The following KCNMA1 variants were observed in gnomAD, a reference collection of about 807,000 sequenced individuals.
KCNMA1 encodes Calcium-activated potassium channel subunit alpha-1.
A neutral mutation model predicts 140.0 loss-of-function variants in KCNMA1; 29 were observed. That is an observed-to-expected ratio of 0.21 (90% CI 0.15 to 0.28). KCNMA1 has a LOEUF of 0.28. KCNMA1 is among the 10% of genes least tolerant of loss of function. The pLI is 1.00. For missense variants in KCNMA1, 880 were observed against 1,602.2 expected (o/e 0.55, Z 7.70); for synonymous variants, 612 against 611.9 (o/e 1.00, Z 0.00).
At chr10:77,505,273 A>G (rs936855571) in intron 1 of KCNMA1, among the ~76,000 whole-genome samples, 8 of 152,256 alleles carry the variant, frequency 5.3e-5, no homozygotes, top group African/African-American at 1.9e-4. Flanking sequence ...GTGAAAATAA[A>G]GACTGACTAC....
chr10:77,350,881 T>C (rs2092793024), intron 2 of KCNMA1: 2 of 152,196 alleles, frequency 1.3e-5, no homozygotes, highest in Non-Finnish European at 2.9e-5. Context: ...CACCGGTGAC[T>C]CAGTGGTTGA....
At chr10:77,099,353 C>T (rs765801724) in intron 9 of KCNMA1, among the ~76,000 whole-genome samples, 177 of 152,150 alleles carry the variant, frequency 1.2e-3, no homozygotes, top group Non-Finnish European at 1.9e-3. Flanking sequence ...CAGCCACACC[C>T]AACGGTGTTG....
intron 1 of KCNMA1, among the ~76,000 whole-genome samples, chr10:77,633,015 T>C (rs1318328829): frequency 1.3e-5 from 2 of 152,184 alleles, no homozygotes; most frequent in African/African-American, 4.8e-5. Context: ...AAAGTGTGCA[T>C]TTCCATAAAG....
chr10:76,949,163 G>A lies in KCNMA1; in HGVS notation c.2688C>T (p.Phe896=), dbSNP rs1031042677. The A allele has an allele frequency of 5.6e-6, 9 of 1,613,718 alleles. No homozygotes were observed. In the African/African-American group the frequency reaches 1.1e-4, roughly 19 times the overall value. The change falls in exon 22 of 28, where the codon TTC becomes TTT. Residue 896 remains phenylalanine, a synonymous_variant. Transcript: ENST00000286628. ...LKREWETLHN[F]PKVSILPGTP... ...TTACAGGCAATATGGACACTTTGGG[G>A]AAGTTATGAAGCGTCTCCCATTCCC...
rs1314545052 is a variant in KCNMA1, at chr10:77,469,658, C to G, written c.379-65635G>C. On this transcript the variant is annotated intron_variant, in intron 1 of 27. Coordinates refer to ENST00000286628, the MANE Select transcript of KCNMA1 (RefSeq NM_001161352.2). The stretch of plus-strand genomic sequence containing the variant: ...CCAGAAGTGTGGCCAAACTGAATAC[C>G]CCAGCTCTCTGCTGCCTCAGCAAGG... Among the ~76,000 whole-genome samples, 3 of 152,146 alleles carry G rather than the reference C, an allele frequency of 2.0e-5. No individual in the cohort carries two copies. In the East Asian group the frequency reaches 5.8e-4, roughly 29 times the overall value.
intron 19 of KCNMA1, among the ~76,000 whole-genome samples, chr10:76,983,089 GAAACCCGTCAGGGT>G (rs893207260): frequency 1.3e-5 from 2 of 152,210 alleles, no homozygotes; most frequent in Non-Finnish European, 2.9e-5. Flanking sequence ...GAACTGGAAG[GAAACCCGTCAGGGT>G]TTGACTTTTA....
intron 1 of KCNMA1, among the ~76,000 whole-genome samples, chr10:77,624,087 A>G (rs2154570106): frequency 6.6e-6 from 1 of 152,322 alleles, no homozygotes. Context: ...AGCTGCAGTT[A>G]TCTTATCCCT....
chr10:77,582,846 C>T (rs1202469098), intron 1 of KCNMA1, among the ~76,000 whole-genome samples: 1 of 152,242 alleles, frequency 6.6e-6, no homozygotes, highest in African/African-American at 2.4e-5. Context: ...AGTAGACATG[C>T]AACTGCTTAG....
chr10:77,551,127 C>A (rs544269127), intron 1 of KCNMA1, among the ~76,000 whole-genome samples: 1 of 152,322 alleles, frequency 6.6e-6, no homozygotes, highest in African/African-American at 2.4e-5. Context: ...CCACCACACC[C>A]AGCTACCACT....
intron 2 of KCNMA1, among the ~76,000 whole-genome samples, chr10:77,328,530 A>G (rs2085080311): frequency 6.6e-6 from 1 of 152,248 alleles, no homozygotes; most frequent in African/African-American, 2.4e-5. Flanking sequence ...ACCTGAGCCA[A>G]GAACACAGGC....
intron 1 of KCNMA1, among the ~76,000 whole-genome samples, chr10:77,476,074 C>G (rs1353230454): frequency 1.3e-5 from 2 of 152,176 alleles, no homozygotes; most frequent in Admixed American, 1.3e-4. Context: ...ATACTTCCTC[C>G]AGGCCGCACG....
chr10:77,380,785 C>T (rs931088582), intron 2 of KCNMA1, among the ~76,000 whole-genome samples: 1 of 152,178 alleles, frequency 6.6e-6, no homozygotes, highest in African/African-American at 2.4e-5. Context: ...CCTAGTAGAA[C>T]CCTCATGAAA....
In KCNMA1 at chr10:77,184,765, C is replaced by T. The variant is rs12259554; in HGVS notation, c.696+58G>A. On this transcript the variant is annotated intron_variant, in intron 4 of 27. Coordinates refer to ENST00000286628, the MANE Select transcript of KCNMA1 (RefSeq NM_001161352.2). Reference sequence around the variant, plus strand: ...AGAGCAGAGGCTGAGGGGGATGATCCCTGGGTCCCAGACTGAAACACCCCA... The same window carrying T: ...AGAGCAGAGGCTGAGGGGGATGATCTCTGGGTCCCAGACTGAAACACCCCA... 954 of 1,062,384 alleles carry T rather than the reference C, an allele frequency of 9.0e-4. 10 individuals are homozygous for T. In the African/African-American group the frequency reaches 0.012, roughly 14 times the overall value. 65.8% of individuals were successfully genotyped at this position (1,062,384 alleles called of 1,614,324 possible). A position where few individuals can be genotyped will look rare whatever the true frequency, so the allele number is the denominator to read the frequency against.
At chr10:77,483,912 A>G (rs1408125194) in intron 1 of KCNMA1, among the ~76,000 whole-genome samples, 2 of 152,150 alleles carry the variant, frequency 1.3e-5, no homozygotes, top group Non-Finnish European at 2.9e-5. Context: ...AGGAAACCAC[A>G]CTGAGTTTTC....
At chr10:77,584,402 T>G (rs1472037260) in intron 1 of KCNMA1, among the ~76,000 whole-genome samples, 1 of 152,248 alleles carries the variant, frequency 6.6e-6, no homozygotes, top group East Asian at 1.9e-4. Context: ...GTTGCCAGGC[T>G]GGAGTGCACT....
chr10:76,964,337 G>A (rs1284763383), intron 20 of KCNMA1, among the ~76,000 whole-genome samples: 3 of 152,122 alleles, frequency 2.0e-5, no homozygotes, highest in African/African-American at 7.2e-5. Flanking sequence ...TCAGAAGAAG[G>A]AAATGGTTGC....
chr10:77,111,902 C>G (rs2097334115), intron 7 of KCNMA1, among the ~76,000 whole-genome samples: 1 of 152,168 alleles, frequency 6.6e-6, no homozygotes, highest in Admixed American at 6.5e-5. Context: ...AAAGAATGAA[C>G]ATTTTTGAGG....
intron 2 of KCNMA1, among the ~76,000 whole-genome samples, chr10:77,288,940 A>G (rs1316394036): frequency 6.6e-6 from 1 of 152,204 alleles, no homozygotes; most frequent in Non-Finnish European, 1.5e-5. Context: ...CTGGCTGACC[A>G]CACAATGTGG....
chr10:77,558,389 G>T (rs2065262584), intron 1 of KCNMA1, among the ~76,000 whole-genome samples: 1 of 152,146 alleles, frequency 6.6e-6, no homozygotes, highest in African/African-American at 2.4e-5. Context: ...GGATCACGAT[G>T]ATCCTGGTAC....
Sources: gnomAD v4.1 joint callset for allele counts (sites outside exome capture counted in the v4.1 genomes callset) on GRCh38, gnomAD v4.1.1 for gene constraint, MANE v1.5 for transcripts, NCBI Gene and HGNC (gene_info 2026-07-23, HGNC 2026-07-21) for gene names.